C10orf67: variants seen among roughly 807,000 people sequenced by gnomAD.
The protein encoded by C10orf67 is chromosome 10 open reading frame 67.
C10orf67 carries 60 observed loss-of-function variants against 35.6 expected under a neutral mutation model. That is an observed-to-expected ratio of 1.68 (90% CI 1.37 to 2.09). The LOEUF is 2.09. C10orf67 is among the 30% of genes most tolerant of loss of function. The pLI, the probability that C10orf67 is intolerant of heterozygous loss-of-function variation, is 0.00. For missense variants in C10orf67, 474 were observed against 330.2 expected (o/e 1.44, Z -3.38); for synonymous variants, 167 against 115.8 (o/e 1.44, Z -2.84).
chr10:23,257,429 C>G (rs1457052802), intron 10 of C10orf67, among the ~76,000 whole-genome samples: 2 of 152,112 alleles, frequency 1.3e-5, no homozygotes, highest in African/African-American at 4.8e-5. Context: ...GTTCTATAAG[C>G]TGAGGGTAGA....
At chr10:23,280,101 C>T (rs147369566) in intron 8 of C10orf67, among the ~76,000 whole-genome samples, 3 of 152,268 alleles carry the variant, frequency 2.0e-5, no homozygotes, top group Non-Finnish European at 2.9e-5. Flanking sequence ...GTGATCCTCC[C>T]ATCTCAGTCT....
At position 23,322,468 on chromosome 10, in the gene C10orf67, G is replaced by A. The variant is rs377034929; in HGVS notation, c.397C>T (p.Leu133=). The change falls in exon 3 of 16, where the codon CTG becomes TTG. Residue 133 remains leucine, a synonymous_variant. Transcript: ENST00000636213. Reference sequence around the variant, plus strand: ...AAGAGACTCAAAGATTCCTCTTTCAGTCGGTCCTCAAACTTCAACTGAAGC... The same window carrying A: ...AAGAGACTCAAAGATTCCTCTTTCAATCGGTCCTCAAACTTCAACTGAAGC... The part of the protein sequence containing the change: ...QLLQLKFEDR[L]KEESLSLFTI... 9.2e-5 allele frequency: 148 copies of A among 1,612,042 alleles called. No homozygotes were observed. The African/African-American group carries it at 1.8e-3, about 19-fold the overall frequency.
At chr10:23,212,778 TGAGAGAGAGAGAGAGA>T (rs58972226) in intron 15 of C10orf67, among the ~76,000 whole-genome samples, 284 of 101,164 alleles carry the variant, frequency 2.8e-3, no homozygotes, top group African/African-American at 8.9e-3. Context: ...AATATTGTAT[TGAGAGAGAGAGAGAGA>T]GAGAGAGAGA....
chr10:23,334,072 C>A (rs185854091), intron 1 of C10orf67, among the ~76,000 whole-genome samples: 18 of 152,230 alleles, frequency 1.2e-4, no homozygotes, highest in African/African-American at 3.9e-4. Flanking sequence ...TTTTAAATTT[C>A]CAATCTGGCA....
At chr10:23,295,182 TC>T (rs1843845260) in intron 5 of C10orf67, among the ~76,000 whole-genome samples, 2 of 152,340 alleles carry the variant, frequency 1.3e-5, no homozygotes, top group South Asian at 4.1e-4. Context: ...TCTAATGTGC[TC>T]TTTGGGGACT....
chr10:23,224,809 G>A (rs571024631), intron 13 of C10orf67, among the ~76,000 whole-genome samples: 9 of 152,236 alleles, frequency 5.9e-5, no homozygotes, highest in South Asian at 2.1e-4. Flanking sequence ...GAAATGAAGC[G>A]AGAAGTTTAG....
intron 5 of C10orf67, among the ~76,000 whole-genome samples, chr10:23,292,158 C>CTTTTTTTTTTTTTTTTTTTT (rs542812504): frequency 5.8e-5 from 4 of 69,314 alleles, no homozygotes; most frequent in African/African-American, 2.8e-4. Flanking sequence ...GACAGCTACT[C>CTTTTTTTTTTTTTTTTTTTT]TTTTTTTTTT....
At chr10:23,235,520 C>A (rs1395701403) in intron 13 of C10orf67, among the ~76,000 whole-genome samples, 1 of 152,072 alleles carries the variant, frequency 6.6e-6, no homozygotes, top group Non-Finnish European at 1.5e-5. Flanking sequence ...GAGGAATGGG[C>A]AGTTGTTTTT....
chr10:23,292,089 A>G (rs1588660286), intron 5 of C10orf67, among the ~76,000 whole-genome samples: 1 of 151,822 alleles, frequency 6.6e-6, no homozygotes, highest in East Asian at 1.9e-4. Context: ...TCTTTTGTTT[A>G]AATCTTGCCA....
chr10:23,301,951 G>T (rs1277658996), intron 5 of C10orf67, among the ~76,000 whole-genome samples: 1 of 152,224 alleles, frequency 6.6e-6, no homozygotes, highest in African/African-American at 2.4e-5. Flanking sequence ...GCTGGATCAG[G>T]AGCACAGCAG....
chr10:23,251,734 T>C (rs1364208507), intron 10 of C10orf67, among the ~76,000 whole-genome samples: 1 of 152,238 alleles, frequency 6.6e-6, no homozygotes, highest in Admixed American at 6.5e-5. Flanking sequence ...GTCATTATTA[T>C]ATCTTAGATC....
chr10:23,273,823 C>T (rs549216424), intron 8 of C10orf67, among the ~76,000 whole-genome samples: 75 of 152,306 alleles, frequency 4.9e-4, no homozygotes, highest in African/African-American at 1.8e-3. Context: ...CTACCACACA[C>T]AGTAAATATT....
intron 13 of C10orf67, among the ~76,000 whole-genome samples, chr10:23,234,158 C>A (rs753183913): frequency 1.3e-5 from 2 of 152,180 alleles, no homozygotes; most frequent in African/African-American, 2.4e-5. Context: ...TTTGACCCAG[C>A]AATCCCATTA....
At chr10:23,271,654 T>G (rs1352023378) in intron 8 of C10orf67, among the ~76,000 whole-genome samples, 1 of 152,240 alleles carries the variant, frequency 6.6e-6, no homozygotes, top group Non-Finnish European at 1.5e-5. Context: ...GATTTTAATT[T>G]GTATCTCCCT....
intron 8 of C10orf67, among the ~76,000 whole-genome samples, chr10:23,274,054 C>T (rs1168541087): frequency 6.6e-6 from 1 of 152,084 alleles, no homozygotes; most frequent in Non-Finnish European, 1.5e-5. Context: ...CGTGATGGCG[C>T]CCCCGAGCTG....
At chr10:23,258,468 G>A in intron 10 of C10orf67, 1 of 165,754 alleles carries the variant, frequency 6.0e-6, no homozygotes, top group Non-Finnish European at 1.4e-5. Context: ...TCTGATCACT[G>A]GCAATTTGGT....
intron 13 of C10orf67, among the ~76,000 whole-genome samples, chr10:23,236,248 C>CG (rs1213138540): frequency 4.5e-4 from 40 of 87,966 alleles, no homozygotes; most frequent in African/African-American, 1.9e-3. Context: ...GACTCCCTCT[C>CG]GGGGGAAAAA....
At chr10:23,293,004 G>A (rs1843768023) in intron 5 of C10orf67, among the ~76,000 whole-genome samples, 1 of 152,194 alleles carries the variant, frequency 6.6e-6, no homozygotes, top group Admixed American at 6.5e-5. Flanking sequence ...GGTTTTGTGT[G>A]TGTGTGTGTG....
intron 1 of C10orf67, 25 bp from the exon 2 acceptor site, chr10:23,333,207 G>T: frequency 6.4e-7 from 1 of 1,565,760 alleles, no homozygotes; most frequent in Non-Finnish European, 8.7e-7. Context: ...AATGAAATGT[G>T]CTTTAAGTCA....
Sources: allele counts gnomAD v4.1 joint callset (sites outside exome capture counted in the v4.1 genomes callset), GRCh38; gene constraint gnomAD v4.1.1; transcripts MANE v1.5; gene names NCBI Gene and HGNC (gene_info 2026-07-23, HGNC 2026-07-21).